The following KLHL29 variants were observed in gnomAD, a reference collection of about 807,000 sequenced individuals.
KLHL29 encodes the protein kelch-like protein 29.
A neutral mutation model predicts 80.4 loss-of-function variants in KLHL29; 21 were observed. The ratio of observed to expected loss-of-function variants is 0.26; its 90% confidence interval spans 0.19 to 0.38. KLHL29 has a LOEUF of 0.38. Ranked by LOEUF, KLHL29 falls within the 10% of genes least tolerant of loss-of-function variation. The probability of loss-of-function intolerance (pLI) is 1.00; values close to 1 mark genes in which losing one functional copy is unlikely to be tolerated. For synonymous variants in KLHL29, 511 were observed against 526.8 expected (o/e 0.97, Z 0.41); for missense variants, 867 against 1,223.9 (o/e 0.71, Z 4.35).
chr2:23,635,739 G>GAGA (rs1471794338), intron 3 of KLHL29, among the ~76,000 whole-genome samples: 1 of 152,242 alleles, frequency 6.6e-6, no homozygotes, highest in Non-Finnish European at 1.5e-5. Flanking sequence ...GCCAGGCACA[G>GAGA]AGAGGCTCTC....
chr2:23,586,314 A>G (rs1046456383), intron 3 of KLHL29, among the ~76,000 whole-genome samples: 3 of 144,986 alleles, frequency 2.1e-5, no homozygotes, highest in Admixed American at 6.9e-5. Flanking sequence ...GAATCCCCAT[A>G]CCCATTAAGA....
chr2:23,532,737 CA>C, intron 2 of KLHL29: 1 of 438,758 alleles, frequency 2.3e-6, no homozygotes. Context: ...TTCCCAGCCT[CA>C]CCCACTACAC....
intron 2 of KLHL29, among the ~76,000 whole-genome samples, chr2:23,479,835 C>T (rs763180191): frequency 6.6e-6 from 1 of 152,222 alleles, no homozygotes; most frequent in African/African-American, 2.4e-5. Flanking sequence ...TCACTGAGGA[C>T]AGGGATCATC....
chr2:23,577,518 G>A (rs565656212), intron 3 of KLHL29, among the ~76,000 whole-genome samples: 5 of 151,836 alleles, frequency 3.3e-5, no homozygotes, highest in Admixed American at 1.3e-4. Flanking sequence ...AGGCTGAGGC[G>A]GGTGGGTCAC....
intron 3 of KLHL29, among the ~76,000 whole-genome samples, chr2:23,592,250 G>T (rs1346977868): frequency 9.5e-3 from 2 of 210 alleles, no homozygotes; most frequent in Non-Finnish European, 0.014. Context: ...CGGCCATCAG[G>T]CTGGTGACCC....
At chr2:23,429,296 C>T (rs750288794) in intron 1 of KLHL29, among the ~76,000 whole-genome samples, 15 of 152,212 alleles carry the variant, frequency 9.9e-5, no homozygotes, top group Admixed American at 4.6e-4. Flanking sequence ...GGCCTTGGTG[C>T]CCACATGTCC....
rs1709320 is a variant in KLHL29, at chr2:23,574,519, G to T, written c.285+12038G>T. ...CCTGGTTCGTGGAGACAAAAGGTAG[G>T]TTAGAGGTTACCAGTGGCTGGCGTG... On this transcript the variant is annotated intron_variant, in intron 3 of 13. Transcript: ENST00000486442. 5.7e-3 allele frequency among the ~76,000 whole-genome samples: 866 copies of T among 152,140 alleles called. 7 individuals are homozygous for T. Among genetic ancestry groups the T allele is most frequent in the African/African-American group, 0.02 (813 of 41,474 alleles).
At position 23,618,843 on chromosome 2, in the gene KLHL29, TAGG is replaced by T; in HGVS notation, c.286-20293_286-20291del. Among the ~76,000 whole-genome samples, 2 of 152,322 alleles carry T rather than the reference TAGG, an allele frequency of 1.3e-5. 1 individual carries two copies. The highest frequency in any genetic ancestry group is 4.1e-4 in the South Asian group (2 of 4,834). The stretch of plus-strand genomic sequence containing the variant: ...GCTTGATCAAGCTACCTGTGTCCTC[TAGG>T]AGAAGAAAGGGTGACTGAATCCCAA... On this transcript the variant is annotated intron_variant, in intron 3 of 13. Coordinates refer to ENST00000486442, the MANE Select transcript of KLHL29 (RefSeq NM_052920.2).
At chr2:23,551,712 G>A (rs1380953827) in intron 2 of KLHL29, among the ~76,000 whole-genome samples, 3 of 152,196 alleles carry the variant, frequency 2.0e-5, no homozygotes, top group African/African-American at 4.8e-5. Context: ...CTGCTAACTC[G>A]CCAGATCTTA....
At chr2:23,687,347 G>A (rs1671309267) in intron 6 of KLHL29, among the ~76,000 whole-genome samples, 1 of 152,228 alleles carries the variant, frequency 6.6e-6, no homozygotes, top group Non-Finnish European at 1.5e-5. Context: ...CCTGGGACAG[G>A]TGATGTGTCC....
chr2:23,634,973 C>A (rs759918579), intron 3 of KLHL29, among the ~76,000 whole-genome samples: 53 of 151,720 alleles, frequency 3.5e-4, no homozygotes, highest in Non-Finnish European at 7.4e-4. Flanking sequence ...AAAGACAGGG[C>A]AGAAACAAGG....
At chr2:23,401,312 C>T (rs959631314) in intron 1 of KLHL29, among the ~76,000 whole-genome samples, 6 of 152,198 alleles carry the variant, frequency 3.9e-5, no homozygotes, top group Non-Finnish European at 5.9e-5. Flanking sequence ...GTTTCCCTCT[C>T]TCCATTCAGA....
chr2:23,524,750 A>C (rs945883796), intron 2 of KLHL29, among the ~76,000 whole-genome samples: 2 of 152,242 alleles, frequency 1.3e-5, no homozygotes, highest in Non-Finnish European at 2.9e-5. Flanking sequence ...TTAAAAGTCA[A>C]AGTTTCTGAA....
chr2:23,609,170 G>A (rs539961139), intron 3 of KLHL29, among the ~76,000 whole-genome samples: 17 of 152,270 alleles, frequency 1.1e-4, no homozygotes, highest in African/African-American at 4.1e-4. Context: ...CTAGATGCTG[G>A]AACATGAGGG....
chr2:23,546,109 C>A (rs1666972792), intron 2 of KLHL29, among the ~76,000 whole-genome samples: 1 of 152,198 alleles, frequency 6.6e-6, no homozygotes, highest in Non-Finnish European at 1.5e-5. Flanking sequence ...TCCAGACCCT[C>A]TCAGGGGCCC....
chr2:23,658,026 CACCCAGAACA>C (rs1307714801), intron 5 of KLHL29, among the ~76,000 whole-genome samples: 1 of 152,104 alleles, frequency 6.6e-6, no homozygotes, highest in East Asian at 1.9e-4. Flanking sequence ...AGCTCCATGG[CACCCAGAACA>C]GCCTGTGAGC....
intron 3 of KLHL29, among the ~76,000 whole-genome samples, chr2:23,574,646 G>A (rs182375691): frequency 6.6e-6 from 1 of 152,284 alleles, no homozygotes; most frequent in East Asian, 1.9e-4. Flanking sequence ...CACTGTGACT[G>A]CAGTGAATGC....
At position 23,684,580 on chromosome 2, in the gene KLHL29, G is replaced by T; in HGVS notation, c.1079+43G>T. 2 of 1,492,810 alleles carry T rather than the reference G, an allele frequency of 1.3e-6. No individual in the cohort carries two copies. The highest frequency in any genetic ancestry group is 1.8e-6 in the Non-Finnish European group (2 of 1,119,410). The allele number at this position is 1,492,810 out of a possible 1,614,324, so 92.5% of individuals were successfully genotyped here. ...CTGTGGTCGGGTCTGTTCCTTTGTA[G>T]GACGCTTTTGTGTCGCTTTTCTCTT... On this transcript the variant is annotated intron_variant, in intron 6 of 13. Transcript: ENST00000486442. This position sits in a 1 kb window ranked among gnomAD's most constrained non-coding sequence, Gnocchi z 4.4.
At chr2:23,497,154 T>C (rs994648039) in intron 2 of KLHL29, among the ~76,000 whole-genome samples, 1 of 152,226 alleles carries the variant, frequency 6.6e-6, no homozygotes, top group Non-Finnish European at 1.5e-5. Context: ...GCATGAGATT[T>C]CTGACTGCCT....
Sources: allele counts gnomAD v4.1 joint callset (sites outside exome capture counted in the v4.1 genomes callset), GRCh38; gene constraint gnomAD v4.1.1; non-coding constraint Gnocchi (gnomAD v3.1); transcripts MANE v1.5; gene names NCBI Gene and HGNC (gene_info 2026-07-23, HGNC 2026-07-21).